TEX14: variants seen among roughly 807,000 people sequenced by gnomAD.
The protein encoded by TEX14 is testis expressed 14, intercellular bridge forming factor, also known as inactive serine/threonine-protein kinase TEX14.
Under a neutral mutation model 178.6 loss-of-function variants are expected in TEX14, and 168 were observed. That is an observed-to-expected ratio of 0.94 (90% CI 0.83 to 1.07). TEX14 has a LOEUF of 1.07. Among genes scored for constraint, TEX14 ranks in the 50% least tolerant of loss-of-function variants. TEX14 has a pLI of 0.00. For synonymous variants in TEX14, 626 were observed against 634.1 expected, an observed-to-expected ratio of 0.99 and a Z score of 0.19; for missense variants, 1,730 against 1,753.6, an observed-to-expected ratio of 0.99 and a Z score of 0.24.
At chr17:58,564,224 T>C (rs2044350541) in intron 28 of TEX14, 1 of 152,190 alleles carries the variant, frequency 6.6e-6, no homozygotes, top group Non-Finnish European at 1.5e-5. Context: ...CTCAAAGAGA[T>C]ATCCGTACAC....
intron 23 of TEX14, 70 bp from the exon 24 acceptor site, chr17:58,572,196 T>C: frequency 1.7e-6 from 2 of 1,199,378 alleles, no homozygotes; most frequent in Non-Finnish European, 2.4e-6. Context: ...CTTTTTCCCT[T>C]TGTTTTTGTT....
intron 2 of TEX14, among the ~76,000 whole-genome samples, chr17:58,644,602 A>C (rs7359601): frequency 0.23 from 33,448 of 144,680 alleles, 4,853 homozygotes; most frequent in Middle Eastern, 0.41. Flanking sequence ...GGCCTCTCAA[A>C]GTGCTGGGAT....
intron 1 of TEX14, among the ~76,000 whole-genome samples, chr17:58,667,491 T>C (rs781547436): frequency 1.3e-5 from 2 of 152,224 alleles, no homozygotes; most frequent in Non-Finnish European, 2.9e-5. Context: ...TAACATCTAC[T>C]GTTTACCATG....
At chr17:58,660,714 T>C (rs1312852871) in intron 1 of TEX14, 1 of 781,594 alleles carries the variant, frequency 1.3e-6, no homozygotes, top group African/African-American at 1.7e-5. Flanking sequence ...GTGGCTTTTC[T>C]GAATTCTTCT....
intron 1 of TEX14, among the ~76,000 whole-genome samples, chr17:58,682,592 A>C (rs2047518970): frequency 6.6e-6 from 1 of 151,950 alleles, no homozygotes. Flanking sequence ...TTTATTTCAC[A>C]AAACAAAATG....
At chr17:58,573,035 G>A in intron 23 of TEX14, 146 bp downstream of exon 23, 1 of 1,174,442 alleles carries the variant, frequency 8.5e-7, no homozygotes, top group African/African-American at 1.5e-5. Flanking sequence ...GGCCTACAAT[G>A]GGATTACCCA....
intron 1 of TEX14, among the ~76,000 whole-genome samples, chr17:58,658,920 T>C (rs1406244002): frequency 3.3e-5 from 5 of 151,682 alleles, no homozygotes; most frequent in African/African-American, 1.2e-4. Flanking sequence ...CACCTCAGTC[T>C]CCCGAGTAGC....
At chr17:58,581,622 A>C in intron 19 of TEX14, 1 of 1,613,752 alleles carries the variant, frequency 6.2e-7, no homozygotes. Flanking sequence ...TCTAGAGCTA[A>C]GTTTTCTTGA....
intron 28 of TEX14, among the ~76,000 whole-genome samples, chr17:58,563,701 A>AGAGAGC (rs1567989105): frequency 5.7e-5 from 1 of 17,544 alleles, no homozygotes; most frequent in Non-Finnish European, 1.0e-4. Context: ...AGAGAGAGAG[A>AGAGAGC]GCGCAAGATC....
At chr17:58,559,142 C>G (rs2044218675) in intron 30 of TEX14, among the ~76,000 whole-genome samples, 1 of 152,044 alleles carries the variant, frequency 6.6e-6, no homozygotes, top group Non-Finnish European at 1.5e-5. Context: ...TGCACTCCAG[C>G]CTGGGCAACA....
Position 58,622,953 on chromosome 17 carries a change from A to T in TEX14, c.311T>A (p.Ile104Asn), listed in dbSNP as rs753457762. The change falls in exon 4 of 32, where the codon ATC (isoleucine) becomes AAC (asparagine). Residue 104 changes from isoleucine (I) to asparagine (N), a missense_variant. Physicochemically the swap from Ile to Asn is moderately radical, Grantham distance 149 (BLOSUM62 -3). Around this residue, in one of 2 missense-constraint regions of TEX14, gnomAD observed 789 missense variants for 681.2 expected, o/e 1.16. Transcript: ENST00000349033. ...HAAAFSGNQW[I>N]LSKLLDAGGD... The stretch of plus-strand genomic sequence containing the variant: ...TCCTGCATCCAGCAGTTTGCTAAGG[A>T]TCCACTGATTGCCCGAAAATGCTGC... The T allele has an allele frequency of 1.2e-6, 2 of 1,611,704 alleles. No homozygotes were observed. Among genetic ancestry groups the T allele is most frequent in the Non-Finnish European group, 8.5e-7 (1 of 1,177,942 alleles).
chr17:58,667,810 G>T (rs528109705), intron 1 of TEX14, among the ~76,000 whole-genome samples: 31 of 151,926 alleles, frequency 2.0e-4, no homozygotes, highest in African/African-American at 7.5e-4. Context: ...GCTTGAACCC[G>T]GGAGGCGAAG....
intron 2 of TEX14, among the ~76,000 whole-genome samples, chr17:58,645,382 G>A (rs901701116): frequency 8.0e-5 from 12 of 149,924 alleles, no homozygotes; most frequent in East Asian, 5.9e-4. Context: ...TTTTTGAGAC[G>A]GAGTCTCACT....
rs990800497 is a variant in TEX14 at position 58,681,014 on chromosome 17, G to C, written c.-2+10925C>G. Among the ~76,000 whole-genome samples the C allele has an allele frequency of 3.3e-5, 5 of 152,190 alleles. No individual in the cohort carries two copies. The South Asian group carries it at 1.0e-3, about 32-fold the overall frequency. On this transcript the variant is annotated intron_variant, in intron 1 of 31. Coordinates refer to ENST00000349033, the MANE Select transcript of TEX14 (RefSeq NM_031272.5). ...TAAAAATCTTGGGCCAGGTGCAGTG[G>C]CTCACACCTGTAATCCCAGCACTTT...
intron 2 of TEX14, among the ~76,000 whole-genome samples, chr17:58,649,834 G>T (rs1039216786): frequency 1.3e-5 from 2 of 151,712 alleles, no homozygotes; most frequent in Middle Eastern, 3.4e-3. Context: ...CCACCTCCCA[G>T]GTTCAAGTGA....
chr17:58,620,883 G>A (rs921758972), intron 5 of TEX14, among the ~76,000 whole-genome samples: 5 of 152,106 alleles, frequency 3.3e-5, no homozygotes, highest in Admixed American at 6.6e-5. Flanking sequence ...AGGAGTTAAC[G>A]GAATCATGAA....
At chr17:58,609,934 G>C (rs894626373) in intron 10 of TEX14, among the ~76,000 whole-genome samples, 1 of 152,214 alleles carries the variant, frequency 6.6e-6, no homozygotes, top group South Asian at 2.1e-4. Flanking sequence ...ATCAGTGATG[G>C]GTAGGTGGCA....
chr17:58,613,949 G>A (rs1264720944), intron 8 of TEX14, among the ~76,000 whole-genome samples: 4 of 152,150 alleles, frequency 2.6e-5, no homozygotes, highest in Non-Finnish European at 5.9e-5. Flanking sequence ...TTACAGGCGT[G>A]AGCCATTGGG....
chr17:58,681,018 A>G (rs12951104), intron 1 of TEX14, among the ~76,000 whole-genome samples: 26,020 of 151,992 alleles, frequency 0.17, 2,355 homozygotes, highest in Non-Finnish European at 0.19. Context: ...GCAGTGGCTC[A>G]CACCTGTAAT....
Sources: allele counts gnomAD v4.1 joint callset (sites outside exome capture counted in the v4.1 genomes callset), GRCh38; gene constraint gnomAD v4.1.1; regional missense constraint gnomAD v4.1.1; transcripts MANE v1.5; gene names NCBI Gene and HGNC (gene_info 2026-07-23, HGNC 2026-07-21).